Variants in SLC20A2 observed in about 807,000 individuals in gnomAD.
SLC20A2 encodes the protein sodium-dependent phosphate transporter 2.
A neutral mutation model predicts 61.0 loss-of-function variants in SLC20A2; 30 were observed. The ratio of observed to expected loss-of-function variants is 0.49; its 90% CI spans 0.37 to 0.67. The LOEUF is 0.67. SLC20A2 is among the 30% of genes least tolerant of loss of function. SLC20A2 has a pLI of 0.00. For synonymous variants in SLC20A2, 351 were observed against 353.3 expected, an observed-to-expected ratio of 0.99 and a Z score of 0.07; for missense variants, 626 against 866.4, an observed-to-expected ratio of 0.72 and a Z score of 3.48.
chr8:42,421,655 T>C (rs1803048900), intron 10 of SLC20A2, among the ~76,000 whole-genome samples: 1 of 151,980 alleles, frequency 6.6e-6, no homozygotes, highest in Admixed American at 6.6e-5. Context: ...AAATACAAAA[T>C]TAGCTGGGTG....
intron 10 of SLC20A2, among the ~76,000 whole-genome samples, chr8:42,421,452 A>AT (rs1390502508): frequency 1.3e-5 from 2 of 152,060 alleles, no homozygotes; most frequent in Non-Finnish European, 2.9e-5. Flanking sequence ...CAAGTGCTGG[A>AT]TTTTTCTATT....
chr8:42,519,115 G>A (rs1262318329), intron 1 of SLC20A2, among the ~76,000 whole-genome samples: 1 of 152,196 alleles, frequency 6.6e-6, no homozygotes, highest in Admixed American at 6.5e-5. Flanking sequence ...GTGGTTCTCA[G>A]TCTTGGCTTA....
intron 1 of SLC20A2, among the ~76,000 whole-genome samples, chr8:42,478,648 TGGTG>T (rs1166124252): frequency 6.6e-5 from 10 of 152,198 alleles, no homozygotes; most frequent in Non-Finnish European, 1.3e-4. Context: ...TTGAGTATGG[TGGTG>T]GCTGTATTAC....
intron 1 of SLC20A2, among the ~76,000 whole-genome samples, chr8:42,480,764 A>G (rs1312663922): frequency 2.0e-5 from 3 of 152,082 alleles, no homozygotes; most frequent in Non-Finnish European, 4.4e-5. Flanking sequence ...GGCTCAAGCA[A>G]TCCTCCTACC....
chr8:42,420,134 C>T lies in SLC20A2; in HGVS notation c.1795-2167G>A, dbSNP rs1331594067. On this transcript the variant is annotated intron_variant, in intron 10 of 10. Coordinates refer to ENST00000520262, the MANE Select transcript of SLC20A2 (RefSeq NM_001257180.2). ...TGGGGAGGTGGAGGTTGCAGTGAGC[C>T]GAGATGGCACCACTGCACTCCAGCC... Among the ~76,000 whole-genome samples the T allele has an allele frequency of 6.0e-5, 9 of 151,142 alleles. No homozygotes were observed. In the East Asian group the frequency reaches 1.4e-3, roughly 23 times the overall value.
chr8:42,461,470 T>A (rs1396909456), intron 4 of SLC20A2, among the ~76,000 whole-genome samples: 1 of 151,414 alleles, frequency 6.6e-6, no homozygotes, highest in Admixed American at 6.6e-5. Context: ...TTTTTTTTTT[T>A]AGACAGAGTC....
At chr8:42,523,880 A>G (rs113437320) in intron 1 of SLC20A2, among the ~76,000 whole-genome samples, 5,302 of 152,298 alleles carry the variant, frequency 0.035, 288 homozygotes, top group African/African-American at 0.12. Flanking sequence ...CTGAAAAATA[A>G]TTCTTCTTGT....
intron 1 of SLC20A2, among the ~76,000 whole-genome samples, chr8:42,518,195 C>G (rs1236634558): frequency 6.6e-6 from 1 of 152,192 alleles, no homozygotes; most frequent in African/African-American, 2.4e-5. Flanking sequence ...ACACCTCAGC[C>G]TCCCAAAGTG....
intron 1 of SLC20A2, among the ~76,000 whole-genome samples, chr8:42,517,937 AATT>A (rs1271792064): frequency 6.6e-6 from 1 of 151,634 alleles, no homozygotes; most frequent in Non-Finnish European, 1.5e-5. Flanking sequence ...TTTTTTAAAG[AATT>A]ATTTATTTAT....
intron 1 of SLC20A2, among the ~76,000 whole-genome samples, chr8:42,533,654 C>CTTTTTTTCTTTCTTTTTTTTTTT (rs1253260874): frequency 7.2e-5 from 4 of 55,310 alleles, no homozygotes; most frequent in Admixed American, 4.2e-4. Context: ...ATCAACTGTT[C>CTTTTTTTCTTTCTTTTTTTTTTT]TTTTTTTTTT....
chr8:42,485,452 G>C (rs1808902139), intron 1 of SLC20A2, among the ~76,000 whole-genome samples: 1 of 151,264 alleles, frequency 6.6e-6, no homozygotes, highest in Non-Finnish European at 1.5e-5. Flanking sequence ...GACCAGCCTG[G>C]CCAACATGGT....
At chr8:42,514,000 T>G (rs559264887) in intron 1 of SLC20A2, among the ~76,000 whole-genome samples, 1 of 152,116 alleles carries the variant, frequency 6.6e-6, no homozygotes, top group South Asian at 2.1e-4. Flanking sequence ...GGTAGAAGAT[T>G]AGGTTGCAAA....
At position 42,463,062 on chromosome 8, in the gene SLC20A2, C is replaced by A. The variant is rs1334799490; in HGVS notation, c.459G>T (p.Leu153Phe). 3 of 1,600,388 alleles carry A rather than the reference C, an allele frequency of 1.9e-6. No individual in the cohort carries two copies. The highest frequency in any genetic ancestry group is 1.7e-4 in the Middle Eastern group (1 of 6,030). The stretch of plus-strand genomic sequence containing the variant: ...ACAGCAGGCCAGACATGAAACCAGA[C>A]AACAGTGGAGATATAAACCAAGAAG... ...IVASWFISPL[L>F]SGFMSGLLFV... The change falls in exon 4 of 11, where the codon TTG (leucine) becomes TTT (phenylalanine). Residue 153 changes from leucine to phenylalanine, a missense_variant. Physicochemically the swap from Leu to Phe is conservative, Grantham distance 22. This residue lies in a region of SLC20A2 where 127 missense variants were observed against 215.4 expected (regional missense o/e 0.59). Coordinates refer to ENST00000520262, the MANE Select transcript of SLC20A2 (RefSeq NM_001257180.2).
chr8:42,443,216 C>G (rs1477626536), intron 6 of SLC20A2, among the ~76,000 whole-genome samples: 1 of 128,548 alleles, frequency 7.8e-6, no homozygotes, highest in South Asian at 2.4e-4. Flanking sequence ...TTGTATTATA[C>G]CACAGTATAA....
intron 1 of SLC20A2, chr8:42,535,213 C>T (rs1012698918): frequency 1.3e-5 from 2 of 152,080 alleles, no homozygotes; most frequent in African/African-American, 2.4e-5. Flanking sequence ...AAATGGTTGC[C>T]GCGCCACAGG....
chr8:42,476,087 T>C (rs1206638263), intron 1 of SLC20A2, among the ~76,000 whole-genome samples: 2 of 97,148 alleles, frequency 2.1e-5, no homozygotes, highest in Admixed American at 9.5e-5. Flanking sequence ...ACTGTGTCTT[T>C]TTTTTTTTTT....
intron 7 of SLC20A2, among the ~76,000 whole-genome samples, chr8:42,439,129 G>A (rs543764134): frequency 6.6e-6 from 1 of 152,300 alleles, no homozygotes; most frequent in Non-Finnish European, 1.5e-5. Context: ...CCAACGTTCA[G>A]CAATTCGATA....
At chr8:42,528,803 A>G (rs978098916) in intron 1 of SLC20A2, among the ~76,000 whole-genome samples, 2 of 151,684 alleles carry the variant, frequency 1.3e-5, no homozygotes, top group African/African-American at 4.8e-5. Flanking sequence ...AGTAGCCAGG[A>G]TTATAGGCAT....
intron 1 of SLC20A2, among the ~76,000 whole-genome samples, chr8:42,529,669 G>T (rs758868018): frequency 1.2e-4 from 18 of 152,134 alleles, no homozygotes; most frequent in Non-Finnish European, 2.2e-4. Flanking sequence ...CTGCTAACAA[G>T]ACATACATTA....
Sources: gnomAD v4.1 joint callset for allele counts (sites outside exome capture counted in the v4.1 genomes callset) on GRCh38, gnomAD v4.1.1 for gene constraint, gnomAD v4.1.1 regional missense constraint, MANE v1.5 for transcripts, NCBI Gene and HGNC (gene_info 2026-07-23, HGNC 2026-07-21) for gene names.